TPT1: variants seen among roughly 807,000 people sequenced by gnomAD.
The protein encoded by TPT1 is translationally-controlled tumor protein.
In TPT1, 5 loss-of-function variants were observed where a neutral mutation model predicts 22.8. The ratio of observed to expected loss-of-function variants is 0.22; its 90% CI spans 0.11 to 0.46. The LOEUF (loss-of-function observed/expected upper bound fraction) is 0.46, where lower values mean the gene tolerates loss of function less well. Among genes scored for constraint, TPT1 ranks in the 20% least tolerant of loss-of-function variants. The pLI, the probability that TPT1 is intolerant of heterozygous loss-of-function variation, is 0.99. For missense variants in TPT1, 130 were observed against 218.7 expected, an observed-to-expected ratio of 0.59 and a Z score of 2.56; for synonymous variants, 89 against 73.6, an observed-to-expected ratio of 1.21 and a Z score of -1.07.
chr13:45,340,066 A>C lies in TPT1; in HGVS notation c.221T>G (p.Met74Arg), dbSNP rs1321023422. 1 of 1,614,218 alleles carries C rather than the reference A, an allele frequency of 6.2e-7. No homozygotes were observed. Among genetic ancestry groups the C allele is most frequent in the Non-Finnish European group, 8.5e-7 (1 of 1,180,038 alleles). ...ACTTGTTTCCTGCAGGTGATGGTTC[A>C]TGACAATATCGACACCAGTGATTAC... ...STVITGVDIV[M>R]NHHLQETSFT... Residue 74 changes from methionine to arginine, a missense_variant, in exon 3 of 6, where the codon ATG becomes AGG. Transcript: ENST00000530705.
rs201681041 is a variant in TPT1, at chr13:45,341,080, G to A, written c.-11C>T. On this transcript the variant is annotated 5_prime_UTR_variant, in exon 1 of 6. Transcript: ENST00000530705. ...CCGGTAGATAATCATGATGGCGACT[G>A]AAGGGAGACGACGACGGCGCTAGCT... is the stretch of plus-strand genomic sequence containing the variant. The A allele has an allele frequency of 1.2e-6, 2 of 1,613,042 alleles. No individual in the cohort carries two copies. The highest frequency in any genetic ancestry group is 2.7e-5 in the African/African-American group (2 of 74,898).
At position 45,335,368 on chromosome 13, in the gene TPT1, TAC is replaced by T. The variant is rs1287948848; in HGVS notation, c.*2016_*2017del. ...AGCACTGAAAGGACAACTGGGGAAA[TAC>T]CTCTTCTGCAGAACTGAAAATCTTC... On this transcript the variant is annotated 3_prime_UTR_variant, in exon 6 of 6. Coordinates refer to ENST00000530705, the MANE Select transcript of TPT1 (RefSeq NM_003295.4). 1 of 152,200 alleles carries T rather than the reference TAC, an allele frequency of 6.6e-6. No homozygotes were observed. The highest frequency in any genetic ancestry group is 1.5e-5 in the Non-Finnish European group (1 of 68,050). The allele number at this position is 152,200 out of a possible 1,614,324, so 9.4% of individuals were successfully genotyped here.
rs1878726542 is a variant in TPT1 at position 45,336,728 on chromosome 13, AACCAACC to A, written c.*651_*657del. 6.6e-6 allele frequency: 1 copy of A among 152,300 alleles called. No individual in the cohort carries two copies. Among genetic ancestry groups the A allele is most frequent in the Admixed American group, 6.5e-5 (1 of 15,278 alleles). 9.4% of individuals were successfully genotyped at this position (152,300 alleles called of 1,614,324 possible). A position where few individuals can be genotyped will look rare whatever the true frequency, so the allele number is the denominator to read the frequency against. ...TTTCCCCTCAACCATTTAAAAAGGC[AACCAACC>A]ACCTTAAAGTGTACAAAACAGGTGG... On this transcript the variant is annotated 3_prime_UTR_variant, in exon 6 of 6. Transcript: ENST00000530705.
chr13:45,336,009 C>G lies in TPT1; in HGVS notation c.*1377G>C, dbSNP rs567972798. On this transcript the variant is annotated 3_prime_UTR_variant, in exon 6 of 6. Coordinates refer to ENST00000530705, the MANE Select transcript of TPT1 (RefSeq NM_003295.4). The stretch of plus-strand genomic sequence containing the variant: ...TAATCAACCAGGTAAGGCTGATAGA[C>G]TATTTCCCAAAACTCACGTTTTGAA... The G allele has an allele frequency of 6.6e-6, 1 of 152,308 alleles. No homozygotes were observed. Among genetic ancestry groups the G allele is most frequent in the Non-Finnish European group, 1.5e-5 (1 of 68,040 alleles). The allele number at this position is 152,308 out of a possible 1,614,324, so 9.4% of individuals were successfully genotyped here. A position where few individuals can be genotyped will look rare whatever the true frequency, so the allele number is the denominator to read the frequency against.
intron 5 of TPT1, chr13:45,338,190 C>A (rs542474739): frequency 5.9e-6 from 1 of 168,908 alleles, no homozygotes; most frequent in East Asian, 1.8e-4. Flanking sequence ...GGTGGGATCT[C>A]TGCTCACTGC....
At chr13:45,339,664 G>A (rs1878950104) in intron 3 of TPT1, 62 bp from the exon 4 acceptor site, 10 of 1,450,036 alleles carry the variant, frequency 6.9e-6, no homozygotes, top group African/African-American at 2.8e-5. Flanking sequence ...AATTTTTAAA[G>A]TAAAAAATAT....
rs1199423433 is a variant in TPT1, at chr13:45,335,206, G to C, written c.*2180C>G. 1 of 152,176 alleles carries C rather than the reference G, an allele frequency of 6.6e-6. No homozygotes were observed. Among genetic ancestry groups the C allele is most frequent in the Non-Finnish European group, 1.5e-5 (1 of 68,036 alleles). 9.4% of individuals were successfully genotyped at this position (152,176 alleles called of 1,614,324 possible). A position where few individuals can be genotyped will look rare whatever the true frequency, so the allele number is the denominator to read the frequency against. On this transcript the variant is annotated 3_prime_UTR_variant, in exon 6 of 6. Transcript: ENST00000530705. ...TAAAATGAGACAGTCTTCAAAGTCT[G>C]AGAAGATTCTACCTGGAATCTTCAA...
intron 4 of TPT1, 124 bp from the exon 5 acceptor site, chr13:45,338,900 GCT>G (rs1878894108): frequency 2.8e-6 from 2 of 710,014 alleles, no homozygotes; most frequent in East Asian, 2.8e-5. Context: ...GTACCCAAAA[GCT>G]CTGATGCTCA....
intron 3 of TPT1, 21 bp downstream of exon 3, chr13:45,339,973 G>T (rs190614911): frequency 2.5e-6 from 4 of 1,612,710 alleles, no homozygotes; most frequent in Non-Finnish European, 2.5e-6. Context: ...ACATCAGCTA[G>T]GTACTGCCAG....
Position 45,340,195 on chromosome 13 carries a change from A to G in TPT1, c.103-11T>C. 6.2e-7 allele frequency: 1 copy of G among 1,604,750 alleles called. No individual in the cohort carries two copies. The highest frequency in any genetic ancestry group is 8.5e-7 in the Non-Finnish European group (1 of 1,174,908). On this transcript the variant is annotated splice_polypyrimidine_tract_variant and intron_variant, in intron 2 of 5. Coordinates refer to ENST00000530705, the MANE Select transcript of TPT1 (RefSeq NM_003295.4). ...TGTCCTACTGACCATCTGCATTAAG[A>G]AAAAGCAGTATAATTGCAAAAGACA...
Position 45,333,661 on chromosome 13 carries a change from A to C in TPT1, c.*3725T>G, listed in dbSNP as rs1224403487. ...CTAATGATCCAAATGAGTAATTCAC[A>C]CCTATTACTGAAGCAGATGCACACA... On this transcript the variant is annotated 3_prime_UTR_variant, in exon 6 of 6. Coordinates refer to ENST00000530705, the MANE Select transcript of TPT1 (RefSeq NM_003295.4). 6.6e-6 allele frequency: 1 copy of C among 152,196 alleles called. No individual in the cohort carries two copies. Among genetic ancestry groups the C allele is most frequent in the Non-Finnish European group, 1.5e-5 (1 of 68,034 alleles). The allele number at this position is 152,196 out of a possible 1,614,324, so 9.4% of individuals were successfully genotyped here.
At chr13:45,340,540 CTA>C in intron 2 of TPT1, 170 bp downstream of exon 2, 1 of 878,530 alleles carries the variant, frequency 1.1e-6, no homozygotes, top group Non-Finnish European at 1.8e-6. Context: ...GGCGGCGGGC[CTA>C]TTTCCAGGAT....
chr13:45,340,614 AG>A (rs2137553761), intron 2 of TPT1, 97 bp downstream of exon 2: 1 of 1,345,634 alleles, frequency 7.4e-7, no homozygotes, highest in Non-Finnish European at 1.0e-6. Flanking sequence ...CTCCGCCAGG[AG>A]GCGGCGGGGA....
At chr13:45,337,600 G>C in intron 5 of TPT1, 1 of 1,591,492 alleles carries the variant, frequency 6.3e-7, no homozygotes, top group South Asian at 1.1e-5. Context: ...AGGTCTATCA[G>C]TGGATGCAGA....
chr13:45,339,597 T>C lies in TPT1; in HGVS notation c.299A>G (p.Lys100Arg), dbSNP rs777557955. 6.2e-7 allele frequency: 1 copy of C among 1,611,928 alleles called. No homozygotes were observed. The highest frequency in any genetic ancestry group is 8.5e-7 in the Non-Finnish European group (1 of 1,179,160). Reference protein sequence around the residue: ...KYIKDYMKSIKGKLEEQRPER... With the variant: ...KYIKDYMKSIRGKLEEQRPER... ...TGGTCTCTGTTCTTCAAGTTTCCCT[T>C]TGATTCTAAAACAACATTTCATTAA... is the stretch of plus-strand genomic sequence containing the variant. The change falls in exon 4 of 6, where the codon AAA becomes AGA. Residue 100 changes from lysine (K) to arginine (R), a missense_variant. Coordinates refer to ENST00000530705, the MANE Select transcript of TPT1 (RefSeq NM_003295.4).
intron 5 of TPT1, among the ~76,000 whole-genome samples, chr13:45,337,965 T>C (rs1878820897): frequency 6.6e-6 from 1 of 152,166 alleles, no homozygotes; most frequent in Non-Finnish European, 1.5e-5. Flanking sequence ...AGTACTGCAC[T>C]AGGCTTTTCA....
At chr13:45,338,863 T>C (rs1020003609) in intron 4 of TPT1, 87 bp from the exon 5 acceptor site, 11 of 1,150,410 alleles carry the variant, frequency 9.6e-6, no homozygotes, top group Admixed American at 2.7e-5. Flanking sequence ...AGGGAAGGTT[T>C]AGACCACCAC....
chr13:45,338,517 A>G, intron 5 of TPT1, 143 bp downstream of exon 5: 1 of 1,422,900 alleles, frequency 7.0e-7, no homozygotes, highest in Non-Finnish European at 9.3e-7. Context: ...TATGAAACAC[A>G]ATTCTCTTGA....
chr13:45,341,152 C>A lies in TPT1; in HGVS notation c.-83G>T, dbSNP rs918181934. 1 of 1,574,782 alleles carries A rather than the reference C, an allele frequency of 6.4e-7. No homozygotes were observed. The highest frequency in any genetic ancestry group is 8.6e-7 in the Non-Finnish European group (1 of 1,159,262). ...AGCGAGCGCGGTGCAGCCGGAGCGG[C>A]GCTCGGGGGGAGGGGGGAGCGGGCG... On this transcript the variant is annotated 5_prime_UTR_variant, in exon 1 of 6. Coordinates refer to ENST00000530705, the MANE Select transcript of TPT1 (RefSeq NM_003295.4).
Sources: gnomAD v4.1 joint callset for allele counts (sites outside exome capture counted in the v4.1 genomes callset) on GRCh38, gnomAD v4.1.1 for gene constraint, MANE v1.5 for transcripts, NCBI Gene and HGNC (gene_info 2026-07-23, HGNC 2026-07-21) for gene names.